BUB1: variants seen among roughly 807,000 people sequenced by gnomAD.
BUB1 encodes the protein BUB1 mitotic checkpoint serine/threonine kinase, also known as mitotic checkpoint serine/threonine-protein kinase BUB1.
BUB1 carries 84 observed loss-of-function variants against 135.2 expected under a neutral mutation model. The ratio of observed to expected loss-of-function variants is 0.62; its 90% CI spans 0.52 to 0.74. BUB1 has a LOEUF of 0.74. Ranked by LOEUF, BUB1 falls within the 30% of genes least tolerant of loss-of-function variation. BUB1 has a pLI of 0.00. For missense variants in BUB1, 1,162 were observed against 1,288.3 expected, an observed-to-expected ratio of 0.90 and a Z score of 1.50; for synonymous variants, 403 against 434.4, an observed-to-expected ratio of 0.93 and a Z score of 0.90.
Position 110,661,667 on chromosome 2 carries a change from T to G in BUB1, c.1132A>C (p.Thr378Pro). The G allele has an allele frequency of 6.2e-7, 1 of 1,614,184 alleles. No homozygotes were observed. The highest frequency in any genetic ancestry group is 1.1e-5 in the South Asian group (1 of 91,068). The part of the protein sequence containing the change: ...AISAALVSPA[T>P]SQSIAPPVPL... The stretch of plus-strand genomic sequence containing the variant: ...ACAGGAGGAGCAATGCTCTGGCTGG[T>G]GGCTGGGGACACCAAAGCTGCAGAA... Residue 378 changes from threonine (T) to proline (P), a missense_variant, in exon 10 of 25, where the codon ACC becomes CCC. Thr to Pro is a conservative substitution (Grantham distance 38). Coordinates refer to ENST00000302759, the MANE Select transcript of BUB1 (RefSeq NM_004336.5).
At chr2:110,640,573 C>T (rs1689476509) in intron 23 of BUB1, among the ~76,000 whole-genome samples, 2 of 152,142 alleles carry the variant, frequency 1.3e-5, no homozygotes, top group South Asian at 4.1e-4. Context: ...TCTGGCTGTA[C>T]CATCTATTAC....
intron 8 of BUB1, 43 bp from the exon 9 acceptor site, chr2:110,666,457 CAGGTCATCAT>C: frequency 7.8e-7 from 1 of 1,289,480 alleles, no homozygotes; most frequent in Non-Finnish European, 1.0e-6. Context: ...AATTTAAATC[CAGGTCATCAT>C]AGGAATACAT....
At chr2:110,670,115 A>T (rs916351412) in intron 5 of BUB1, among the ~76,000 whole-genome samples, 9 of 151,572 alleles carry the variant, frequency 5.9e-5, no homozygotes, top group Non-Finnish European at 1.2e-4. Flanking sequence ...TTTTCATTAA[A>T]AATTGGATGG....
Position 110,650,390 on chromosome 2 carries a change from A to G in BUB1, c.2203+156T>C, listed in dbSNP as rs147498621. On this transcript the variant is annotated intron_variant, in intron 18 of 24. Coordinates refer to ENST00000302759, the MANE Select transcript of BUB1 (RefSeq NM_004336.5). Reference sequence around the variant, plus strand: ...TTTGCCCTTCAAGTATGCTACTGTTACTCCATTGTGATGCATTATGCAAGT... The same window carrying G: ...TTTGCCCTTCAAGTATGCTACTGTTGCTCCATTGTGATGCATTATGCAAGT... 4.6e-5 allele frequency among the ~76,000 whole-genome samples: 7 copies of G among 152,278 alleles called. No individual in the cohort carries two copies. In the East Asian group the frequency reaches 1.3e-3, roughly 29 times the overall value.
intron 9 of BUB1, among the ~76,000 whole-genome samples, chr2:110,663,059 T>G (rs903604027): frequency 1.3e-5 from 2 of 152,090 alleles, no homozygotes; most frequent in Non-Finnish European, 2.9e-5. Context: ...GGTAGGTGGA[T>G]CACAAGGTCA....
intron 21 of BUB1, 71 bp downstream of exon 21, chr2:110,641,571 A>G (rs1489642955): frequency 4.8e-5 from 75 of 1,562,062 alleles, no homozygotes; most frequent in Admixed American, 5.6e-5. Context: ...CCCAACCACA[A>G]AAGTACGTGC....
intron 11 of BUB1, 135 bp from the exon 12 acceptor site, chr2:110,658,877 T>C (rs1690006140): frequency 4.5e-6 from 5 of 1,103,804 alleles, no homozygotes; most frequent in South Asian, 1.6e-5. Flanking sequence ...TCCAGTATTA[T>C]AGTGCTTTCA....
chr2:110,667,717 G>GA lies in BUB1; in HGVS notation c.621-13dup. 6.2e-7 allele frequency: 1 copy of GA among 1,610,814 alleles called. No homozygotes were observed. Among genetic ancestry groups the GA allele is most frequent in the Non-Finnish European group, 8.5e-7 (1 of 1,178,724 alleles). ...TCACTCTTCGTTCCCTACAATGGGG[G>GA]AAAATACATTATTTACAACAATGTA... is the stretch of plus-strand genomic sequence containing the variant. On this transcript the variant is annotated splice_polypyrimidine_tract_variant and intron_variant, in intron 7 of 24. Coordinates refer to ENST00000302759, the MANE Select transcript of BUB1 (RefSeq NM_004336.5).
In BUB1 at chr2:110,655,880, A is replaced by T. The variant is rs1419824585; in HGVS notation, c.1735T>A (p.Ser579Thr). Residue 579 changes from serine (S) to threonine (T), a missense_variant, in exon 16 of 25, where the codon TCA becomes ACA. Transcript: ENST00000302759. ...VPHAEEFLDDSTVWGIRCNKT... is the reference protein window; with the variant it reads ...VPHAEEFLDDTTVWGIRCNKT... ...TTGCAGCGAATACCCCATACAGTTG[A>T]GTCATCCAAAAACTCTTCAGCATGA... 6.2e-7 allele frequency: 1 copy of T among 1,613,696 alleles called. No individual in the cohort carries two copies. Among genetic ancestry groups the T allele is most frequent in the East Asian group, 2.2e-5 (1 of 44,894 alleles).
chr2:110,668,527 C>T (rs766990396), intron 6 of BUB1, among the ~76,000 whole-genome samples: 6 of 152,180 alleles, frequency 3.9e-5, no homozygotes, highest in Non-Finnish European at 8.8e-5. Context: ...AGCACACAGG[C>T]GTTTCCATTG....
chr2:110,655,539 C>T (rs1278264222), intron 16 of BUB1, among the ~76,000 whole-genome samples, 200 bp downstream of exon 16: 1 of 151,856 alleles, frequency 6.6e-6, no homozygotes, highest in Non-Finnish European at 1.5e-5. Context: ...AATACATAGA[C>T]TTTAGGAAGA....
chr2:110,669,396 G>T, intron 6 of BUB1, 57 bp downstream of exon 6: 1 of 1,201,534 alleles, frequency 8.3e-7, no homozygotes, highest in Non-Finnish European at 1.2e-6. Context: ...AAGGCAGCCA[G>T]GCTGGCCATT....
chr2:110,638,144 A>T lies in BUB1; in HGVS notation c.3078T>A (p.Asp1026Glu). Reference sequence around the variant, plus strand: ...TAACATGAAAAAATTCATTCCACATATCCAAATGAGGAAGCCTGAAAAAGA... The same window carrying T: ...TAACATGAAAAAATTCATTCCACATTTCCAAATGAGGAAGCCTGAAAAAGA... ...EGLFRRLPHL[D>E]MWNEFFHVML... is the part of the protein sequence containing the mutation. Residue 1026 changes from aspartate (D) to glutamate (E), a missense_variant, in exon 25 of 25, where the codon GAT (aspartate) becomes GAA (glutamate). Physicochemically the swap from Asp to Glu is conservative, Grantham distance 45. Coordinates refer to ENST00000302759, the MANE Select transcript of BUB1 (RefSeq NM_004336.5). 1 of 1,596,788 alleles carries T rather than the reference A, an allele frequency of 6.3e-7. No homozygotes were observed. The highest frequency in any genetic ancestry group is 8.5e-7 in the Non-Finnish European group (1 of 1,172,728).
chr2:110,658,179 G>A (rs1236903101), intron 13 of BUB1, among the ~76,000 whole-genome samples: 1 of 151,842 alleles, frequency 6.6e-6, no homozygotes, highest in Non-Finnish European at 1.5e-5. Context: ...TATCCATGGG[G>A]GTTTTGTCCT....
chr2:110,662,545 A>G (rs1690126971), intron 9 of BUB1, among the ~76,000 whole-genome samples: 1 of 152,230 alleles, frequency 6.6e-6, no homozygotes, highest in South Asian at 2.1e-4. Context: ...CCTGTAATCA[A>G]TCCCAGAACT....
At position 110,672,667 on chromosome 2, in the gene BUB1, T is replaced by C; in HGVS notation, c.416A>G (p.Gln139Arg). The C allele has an allele frequency of 3.8e-6, 6 of 1,586,370 alleles. No individual in the cohort carries two copies. The highest frequency in any genetic ancestry group is 5.1e-6 in the Non-Finnish European group (6 of 1,167,928). The change falls in exon 4 of 25, where the codon CAA becomes CGA. Residue 139 changes from glutamine to arginine, a missense_variant. By Grantham distance (43) the Gln-to-Arg change is conservative (BLOSUM62 1). Transcript: ENST00000302759. Reference protein sequence around the residue: ...QAEPREFLQQQYRLFQTRLTE... With the variant: ...QAEPREFLQQRYRLFQTRLTE... ...AGTTTGACTTTGTAACTACCTGTAT[T>C]GTTGTTGCAGGAACTCTCTGGGTTC...
rs1033679397 is a variant in BUB1 at position 110,641,869 on chromosome 2, A to G, written c.2464-66T>C. The G allele has an allele frequency of 6.7e-6, 10 of 1,494,068 alleles. No homozygotes were observed. The African/African-American group carries it at 1.4e-4, about 21-fold the overall frequency. 92.6% of individuals were successfully genotyped at this position (1,494,068 alleles called of 1,614,324 possible). A position where few individuals can be genotyped will look rare whatever the true frequency, so the allele number is the denominator to read the frequency against. On this transcript the variant is annotated intron_variant, in intron 20 of 24. Coordinates refer to ENST00000302759, the MANE Select transcript of BUB1 (RefSeq NM_004336.5). ...TCTGAAAAATGATAGCAATAAAGCA[A>G]CCTCTATCCCAATAAAAGATGTGGT...
At chr2:110,670,306 T>C (rs1021556605) in intron 5 of BUB1, among the ~76,000 whole-genome samples, 2 of 151,890 alleles carry the variant, frequency 1.3e-5, no homozygotes, top group Non-Finnish European at 2.9e-5. Context: ...ACCTGGCTAA[T>C]TTTTGTATTT....
intron 17 of BUB1, among the ~76,000 whole-genome samples, chr2:110,651,743 A>AT (rs1689792848): frequency 6.6e-6 from 1 of 152,074 alleles, no homozygotes; most frequent in Admixed American, 6.6e-5. Context: ...ACAGAACACC[A>AT]TTTTTTATCT....
Sources: allele counts gnomAD v4.1 joint callset (sites outside exome capture counted in the v4.1 genomes callset), GRCh38; gene constraint gnomAD v4.1.1; transcripts MANE v1.5; gene names NCBI Gene and HGNC (gene_info 2026-07-23, HGNC 2026-07-21).